Variants in MAP7 observed in about 807,000 individuals in gnomAD.
MAP7 encodes the protein microtubule associated protein 7.
A neutral mutation model predicts 94.8 loss-of-function variants in MAP7; 52 were observed. The observed-to-expected ratio is 0.55, with a 90% CI of 0.44 to 0.69. MAP7 has a LOEUF of 0.69. Among genes scored for constraint, MAP7 ranks in the 30% least tolerant of loss-of-function variants. The pLI is 0.00. For missense variants in MAP7, 940 were observed against 964.6 expected, an observed-to-expected ratio of 0.97 and a Z score of 0.34; for synonymous variants, 350 against 357.0, an observed-to-expected ratio of 0.98 and a Z score of 0.22.
chr6:136,471,811 C>T (rs1809115241), intron 1 of MAP7, among the ~76,000 whole-genome samples: 3 of 152,162 alleles, frequency 2.0e-5, no homozygotes, highest in African/African-American at 7.2e-5. Context: ...CTTTTCTACT[C>T]TGCCTATAAT....
At chr6:136,529,991 T>C (rs1828338952) in intron 1 of MAP7, among the ~76,000 whole-genome samples, 1 of 152,168 alleles carries the variant, frequency 6.6e-6, no homozygotes, top group Non-Finnish European at 1.5e-5. Context: ...AAGACTAACA[T>C]GTAGTCACCT....
intron 1 of MAP7, among the ~76,000 whole-genome samples, chr6:136,460,724 C>G (rs1804921815): frequency 6.6e-6 from 1 of 152,066 alleles, no homozygotes; most frequent in Non-Finnish European, 1.5e-5. Context: ...TAGACTCTTC[C>G]TTTTGGGTTG....
intron 1 of MAP7, among the ~76,000 whole-genome samples, chr6:136,431,567 G>A (rs1794926485): frequency 6.6e-6 from 1 of 151,616 alleles, no homozygotes; most frequent in African/African-American, 2.4e-5. Flanking sequence ...ACCCAGGCTG[G>A]AGTGCAGTGG....
intron 16 of MAP7, among the ~76,000 whole-genome samples, chr6:136,350,622 G>C (rs1788902241): frequency 6.6e-6 from 1 of 152,236 alleles, no homozygotes; most frequent in Admixed American, 6.5e-5. Flanking sequence ...AAGGTGGGAT[G>C]ACTGCTTAAG....
At chr6:136,538,142 G>A (rs1829030216) in intron 1 of MAP7, among the ~76,000 whole-genome samples, 1 of 152,174 alleles carries the variant, frequency 6.6e-6, no homozygotes, top group South Asian at 2.1e-4. Context: ...CATTTTCTTA[G>A]TGAGAAATGT....
intron 1 of MAP7, among the ~76,000 whole-genome samples, chr6:136,537,897 T>C (rs1430240196): frequency 6.6e-6 from 1 of 152,004 alleles, no homozygotes; most frequent in Non-Finnish European, 1.5e-5. Flanking sequence ...TTCTCCTGCC[T>C]CAGCATCCCG....
chr6:136,365,662 C>A, intron 10 of MAP7, 73 bp downstream of exon 10: 1 of 1,499,976 alleles, frequency 6.7e-7, no homozygotes, highest in Non-Finnish European at 8.9e-7. Flanking sequence ...AAAAGGAAAA[C>A]AAAAAAAGCT....
intron 3 of MAP7, among the ~76,000 whole-genome samples, chr6:136,401,777 T>C (rs779093851): frequency 2.7e-5 from 4 of 147,230 alleles, no homozygotes; most frequent in Non-Finnish European, 4.5e-5. Context: ...ACTTAAAGTA[T>C]AATTAAAAAA....
chr6:136,524,220 G>A (rs1049810096), intron 1 of MAP7, among the ~76,000 whole-genome samples: 3 of 151,972 alleles, frequency 2.0e-5, no homozygotes. Context: ...CTCCAGCCTG[G>A]GCAACAGAGC....
intron 1 of MAP7, among the ~76,000 whole-genome samples, chr6:136,507,967 A>C (rs1033068693): frequency 6.6e-6 from 1 of 152,168 alleles, no homozygotes; most frequent in Non-Finnish European, 1.5e-5. Context: ...CACACATTCC[A>C]ATTTAAAATT....
At chr6:136,384,694 C>G (rs1053692234) in intron 5 of MAP7, among the ~76,000 whole-genome samples, 4 of 152,072 alleles carry the variant, frequency 2.6e-5, no homozygotes, top group African/African-American at 9.7e-5. Context: ...TTACGTTGCC[C>G]AGGCTGGTCT....
intron 5 of MAP7, among the ~76,000 whole-genome samples, chr6:136,388,031 T>G (rs113313119): frequency 6.6e-6 from 1 of 152,294 alleles, no homozygotes; most frequent in African/African-American, 2.4e-5. Context: ...AATATAACTA[T>G]AATCCTTCCA....
intron 1 of MAP7, among the ~76,000 whole-genome samples, chr6:136,489,182 T>A (rs1009110839): frequency 8.3e-4 from 125 of 151,146 alleles, no homozygotes; most frequent in African/African-American, 3.0e-3. Flanking sequence ...ATTTTTTTTT[T>A]ATGAGATTTC....
In MAP7 at chr6:136,411,707, A is replaced by G. The variant is rs1334276975; in HGVS notation, c.167-10T>C. On this transcript the variant is annotated splice_polypyrimidine_tract_variant and intron_variant, in intron 2 of 17. Coordinates refer to ENST00000354570, the MANE Select transcript of MAP7 (RefSeq NM_003980.6). Reference sequence around the variant, plus strand: ...AACACAGGCGGAGGGTCTGAAAGCGAGATTAAAAAAAACATGAGATGAAGA... The same window carrying G: ...AACACAGGCGGAGGGTCTGAAAGCGGGATTAAAAAAAACATGAGATGAAGA... The G allele has an allele frequency of 6.4e-7, 1 of 1,552,816 alleles. No individual in the cohort carries two copies. The highest frequency in any genetic ancestry group is 1.2e-5 in the South Asian group (1 of 83,538).
Position 136,548,848 on chromosome 6 carries a change from T to C in MAP7, c.67+1494A>G, listed in dbSNP as rs183664699. Among the ~76,000 whole-genome samples, 998 of 152,340 alleles carry C rather than the reference T, an allele frequency of 6.6e-3. 2 individuals are homozygous for C. Among genetic ancestry groups the C allele is most frequent in the Middle Eastern group, 0.01 (3 of 294 alleles). ...TAGGAACGAAAATCATGCCGTATAT[T>C]TACAAATGAGGATGCTCCTCTCCCG... On this transcript the variant is annotated intron_variant, in intron 1 of 17. Transcript: ENST00000354570.
intron 1 of MAP7, among the ~76,000 whole-genome samples, chr6:136,490,879 C>T (rs1447678137): frequency 6.6e-6 from 1 of 152,196 alleles, no homozygotes; most frequent in Non-Finnish European, 1.5e-5. Flanking sequence ...TGCCTGTAGA[C>T]TCTCATCCTA....
At chr6:136,544,883 C>A (rs559238910) in intron 1 of MAP7, among the ~76,000 whole-genome samples, 1 of 152,206 alleles carries the variant, frequency 6.6e-6, no homozygotes, top group South Asian at 2.1e-4. Flanking sequence ...TCACTTGAGC[C>A]CAGGAGTTCA....
intron 1 of MAP7, among the ~76,000 whole-genome samples, chr6:136,459,020 TA>T (rs1804300412): frequency 6.6e-6 from 1 of 151,968 alleles, no homozygotes; most frequent in Non-Finnish European, 1.5e-5. Context: ...GGTTAGTATT[TA>T]AAATTTAAGG....
chr6:136,377,846 T>C lies in MAP7; in HGVS notation c.660A>G (p.Pro220=). ...PDRARRLQLS[P]WESSVVNRLL... is the part of the protein sequence containing the mutation. ...GTCTGTTAACAACGCTGCTCTCCCA[T>C]GGGCTGAGCTGCAGGCGGCGAGCTA... The change falls in exon 7 of 18, where the codon CCA becomes CCG. Residue 220 remains proline, a synonymous_variant. Transcript: ENST00000354570. 6.2e-7 allele frequency: 1 copy of C among 1,613,704 alleles called. No individual in the cohort carries two copies. The highest frequency in any genetic ancestry group is 1.1e-5 in the South Asian group (1 of 91,064).
Sources: gnomAD v4.1 joint callset for allele counts (sites outside exome capture counted in the v4.1 genomes callset) on GRCh38, gnomAD v4.1.1 for gene constraint, MANE v1.5 for transcripts, NCBI Gene and HGNC (gene_info 2026-07-23, HGNC 2026-07-21) for gene names.